LINGO2: variants seen among roughly 807,000 people sequenced by gnomAD.
LINGO2 encodes leucine-rich repeat and immunoglobulin-like domain-containing nogo receptor-interacting protein 2.
A neutral mutation model predicts 30.6 loss-of-function variants in LINGO2; 14 were observed. That is an observed-to-expected ratio of 0.46 (90% CI 0.30 to 0.72). The LOEUF is 0.72. LINGO2 is among the 30% of genes least tolerant of loss of function. The probability of loss-of-function intolerance (pLI) is 0.07; values close to 1 mark genes in which losing one functional copy is unlikely to be tolerated. For synonymous variants in LINGO2, 317 were observed against 288.5 expected, an observed-to-expected ratio of 1.10 and a Z score of -1.00; for missense variants, 729 against 751.7, an observed-to-expected ratio of 0.97 and a Z score of 0.35.
intron 4 of LINGO2, among the ~76,000 whole-genome samples, chr9:28,222,607 C>T (rs1311270042): frequency 6.6e-6 from 1 of 151,566 alleles, no homozygotes; most frequent in Admixed American, 6.6e-5. Flanking sequence ...GCATTTGTTT[C>T]TTAGTCTGAA....
the LINGO2 span, among the ~76,000 whole-genome samples, chr9:28,906,588 G>T: frequency 6.6e-6 from 1 of 151,808 alleles, no homozygotes; most frequent in Admixed American, 6.6e-5. Context: ...GCCAAATGCA[G>T]AAAGGGTGTC....
At chr9:28,568,161 TG>T (rs776304343) in intron 1 of LINGO2, among the ~76,000 whole-genome samples, 61 of 152,126 alleles carry the variant, frequency 4.0e-4, no homozygotes, top group Non-Finnish European at 7.9e-4. Context: ...TGTGGAAGTG[TG>T]GGAGTCAGGT....
At chr9:28,982,957 G>T in the LINGO2 span, among the ~76,000 whole-genome samples, 1 of 151,584 alleles carries the variant, frequency 6.6e-6, no homozygotes, top group Non-Finnish European at 1.5e-5. Flanking sequence ...GTTTGCTAGT[G>T]ACTGACAATT....
chr9:28,493,840 C>T (rs1819474902), intron 1 of LINGO2, among the ~76,000 whole-genome samples: 1 of 152,258 alleles, frequency 6.6e-6, no homozygotes, highest in South Asian at 2.1e-4. Context: ...ACTAGACAGG[C>T]TTAGCCTCCC....
chr9:28,161,775 C>T (rs1828294240), intron 4 of LINGO2, among the ~76,000 whole-genome samples: 2 of 152,028 alleles, frequency 1.3e-5, no homozygotes, highest in South Asian at 4.2e-4. Context: ...AATCATACTT[C>T]AGAAATTTTG....
intron 4 of LINGO2, among the ~76,000 whole-genome samples, chr9:28,054,986 C>A (rs1285456909): frequency 6.6e-6 from 1 of 151,936 alleles, no homozygotes; most frequent in South Asian, 2.1e-4. Context: ...ATAAGCTTTA[C>A]TGAAATTTAA....
intron 1 of LINGO2, among the ~76,000 whole-genome samples, chr9:28,482,121 T>G: frequency 6.6e-6 from 1 of 152,210 alleles, no homozygotes; most frequent in Non-Finnish European, 1.5e-5. Flanking sequence ...TGATTTATAG[T>G]CCTTTGGGTA....
At chr9:28,026,563 C>A (rs1462445697) in intron 4 of LINGO2, among the ~76,000 whole-genome samples, 1 of 152,182 alleles carries the variant, frequency 6.6e-6, no homozygotes, top group African/African-American at 2.4e-5. Flanking sequence ...TGCATTCTTA[C>A]CATGGGGACC....
At chr9:28,928,863 A>G in the LINGO2 span, among the ~76,000 whole-genome samples, 4 of 152,250 alleles carry the variant, frequency 2.6e-5, no homozygotes, top group Middle Eastern at 0.01. Flanking sequence ...TGTGAGCTCA[A>G]GTGAGCTTCT....
intron 3 of LINGO2, among the ~76,000 whole-genome samples, chr9:28,321,619 G>T (rs1221495948): frequency 6.6e-6 from 1 of 152,190 alleles, no homozygotes; most frequent in African/African-American, 2.4e-5. Flanking sequence ...TGGAGAAGCA[G>T]ATTTCAAAGC....
chr9:28,570,622 C>A (rs1246041411), intron 1 of LINGO2, among the ~76,000 whole-genome samples: 1 of 150,082 alleles, frequency 6.7e-6, no homozygotes, highest in Non-Finnish European at 1.5e-5. Context: ...AAAAAAAACA[C>A]CGTGTGATTG....
At chr9:28,174,954 CAG>C (rs1169311028) in intron 4 of LINGO2, among the ~76,000 whole-genome samples, 2 of 138,284 alleles carry the variant, frequency 1.4e-5, no homozygotes, top group African/African-American at 5.5e-5. Context: ...GAGAGACAGA[CAG>C]AGAGAAAGAG....
chr9:28,933,149 T>C, the LINGO2 span, among the ~76,000 whole-genome samples: 112,435 of 151,898 alleles, frequency 0.74, 41,766 homozygotes, highest in Non-Finnish European at 0.78. Context: ...TTATGTGATC[T>C]GCCCACCTCA....
chr9:27,992,441 G>T (rs1821443636), intron 5 of LINGO2, among the ~76,000 whole-genome samples: 1 of 152,026 alleles, frequency 6.6e-6, no homozygotes, highest in South Asian at 2.1e-4. Context: ...TATGCAAGTT[G>T]TTAGAGCAGA....
rs1440811507 is a variant in LINGO2, at chr9:27,950,843, A to T, written c.-35-137T>A. The T allele has an allele frequency of 5.2e-5, 22 of 424,606 alleles. No individual in the cohort carries two copies. In the East Asian group the frequency reaches 7.7e-4, roughly 15 times the overall value. The allele number at this position is 424,606 out of a possible 1,614,324, so 26.3% of individuals were successfully genotyped here. Reference sequence around the variant, plus strand: ...TCAATCAGATTTGGGCATAAACCTGATGGACGACCCTCTTAGTAACAGGTT... The same window carrying T: ...TCAATCAGATTTGGGCATAAACCTGTTGGACGACCCTCTTAGTAACAGGTT... On this transcript the variant is annotated intron_variant, in intron 5 of 5. Transcript: ENST00000379992.
At chr9:28,771,608 G>T in the LINGO2 span, among the ~76,000 whole-genome samples, 1 of 151,904 alleles carries the variant, frequency 6.6e-6, no homozygotes, top group African/African-American at 2.4e-5. Flanking sequence ...GTGAACAAGA[G>T]AATTTAGTTA....
the LINGO2 span, among the ~76,000 whole-genome samples, chr9:29,083,446 G>C: frequency 3.9e-5 from 6 of 152,086 alleles, no homozygotes; most frequent in African/African-American, 1.4e-4. Context: ...GGTGAGGGAG[G>C]GGGGATGGAT....
At chr9:28,662,151 C>T (rs920162426) in intron 1 of LINGO2, among the ~76,000 whole-genome samples, 2 of 152,120 alleles carry the variant, frequency 1.3e-5, no homozygotes, top group African/African-American at 4.8e-5. Context: ...GGAACATGCA[C>T]TCAGAGTCAT....
chr9:28,283,846 G>A (rs1015847066), intron 4 of LINGO2, among the ~76,000 whole-genome samples: 2 of 152,048 alleles, frequency 1.3e-5, no homozygotes, highest in African/African-American at 4.8e-5. Flanking sequence ...AAAGATACAT[G>A]ATATATTCAG....
Sources: gnomAD v4.1 joint callset for allele counts (sites outside exome capture counted in the v4.1 genomes callset) on GRCh38, gnomAD v4.1.1 for gene constraint, MANE v1.5 for transcripts, NCBI Gene and HGNC (gene_info 2026-07-23, HGNC 2026-07-21) for gene names.